SULF1: variants seen among roughly 807,000 people sequenced by gnomAD.
The protein encoded by SULF1 is extracellular sulfatase Sulf-1.
Under a neutral mutation model 110.5 loss-of-function variants are expected in SULF1, and 46 were observed. The ratio of observed to expected loss-of-function variants is 0.42; its 90% CI spans 0.33 to 0.53. SULF1 has a LOEUF of 0.53. Among genes scored for constraint, SULF1 ranks in the 20% least tolerant of loss-of-function variants. SULF1 has a pLI of 0.12. For missense variants in SULF1, 941 were observed against 1,094.2 expected (o/e 0.86, Z 1.98); for synonymous variants, 371 against 387.1 (o/e 0.96, Z 0.49).
At chr8:69,622,753 C>A (rs1177504010) in intron 14 of SULF1, among the ~76,000 whole-genome samples, 1 of 152,162 alleles carries the variant, frequency 6.6e-6, no homozygotes. Flanking sequence ...GTATTAGGCA[C>A]AAACACAAGT....
chr8:69,604,964 C>T (rs775208502), intron 13 of SULF1, 32 bp downstream of exon 13: 2 of 1,606,998 alleles, frequency 1.2e-6, no homozygotes, highest in East Asian at 2.2e-5. Context: ...TACCACCACT[C>T]ATGTGCTTCT....
chr8:69,561,300 CTG>C (rs1284291200), intron 3 of SULF1, among the ~76,000 whole-genome samples: 1 of 152,074 alleles, frequency 6.6e-6, no homozygotes, highest in African/African-American at 2.4e-5. Context: ...ATAAGATACA[CTG>C]TGGCAGAAAA....
At chr8:69,518,545 A>T (rs1812084873) in intron 3 of SULF1, among the ~76,000 whole-genome samples, 1 of 152,148 alleles carries the variant, frequency 6.6e-6, no homozygotes. Flanking sequence ...CAGTTAATTC[A>T]CATGAGGATT....
At position 69,585,381 on chromosome 8, in the gene SULF1, C is replaced by T. The variant is rs937114233; in HGVS notation, c.413-976C>T. ...TCCTCTTGCTCTCTCAAAAGTATTC[C>T]AGTATATTTATGACTACCATTCTGC... On this transcript the variant is annotated intron_variant, in intron 6 of 22. Coordinates refer to ENST00000402687, the MANE Select transcript of SULF1 (RefSeq NM_001128205.2). 2.0e-5 allele frequency among the ~76,000 whole-genome samples: 3 copies of T among 152,102 alleles called. No homozygotes were observed. In the East Asian group the frequency reaches 5.8e-4, roughly 29 times the overall value.
chr8:69,558,917 A>T (rs1018822586), intron 3 of SULF1, among the ~76,000 whole-genome samples: 1 of 152,158 alleles, frequency 6.6e-6, no homozygotes, highest in Non-Finnish European at 1.5e-5. Flanking sequence ...AACCTAAATG[A>T]TATATTTTAT....
Position 69,563,904 on chromosome 8 carries a change from C to T in SULF1, c.-60-12C>T. ...TTAGTCTCACCGTCTCCGTTTTTCTCTGACTGCCCAGAACTCCAGAAATCA... is the reference window on the plus strand; with the variant it reads ...TTAGTCTCACCGTCTCCGTTTTTCTTTGACTGCCCAGAACTCCAGAAATCA... On this transcript the variant is annotated splice_polypyrimidine_tract_variant and intron_variant, in intron 4 of 22. Coordinates refer to ENST00000402687, the MANE Select transcript of SULF1 (RefSeq NM_001128205.2). The T allele has an allele frequency of 6.6e-7, 1 of 1,522,054 alleles. No individual in the cohort carries two copies. Among genetic ancestry groups the T allele is most frequent in the South Asian group, 1.2e-5 (1 of 85,376 alleles). 94.3% of individuals were successfully genotyped at this position (1,522,054 alleles called of 1,614,324 possible). A position where few individuals can be genotyped will look rare whatever the true frequency, so the allele number is the denominator to read the frequency against.
At chr8:69,597,930 T>C (rs940169945) in intron 8 of SULF1, among the ~76,000 whole-genome samples, 5 of 152,142 alleles carry the variant, frequency 3.3e-5, no homozygotes, top group Admixed American at 3.3e-4. Context: ...ACTACCCTCA[T>C]GGGCAAAAAA....
At chr8:69,605,073 C>T (rs1808134418) in intron 13 of SULF1, 141 bp downstream of exon 13, 2 of 1,162,858 alleles carry the variant, frequency 1.7e-6, no homozygotes, top group South Asian at 1.6e-5. Flanking sequence ...CACTGAGACA[C>T]CTCTCCGCGG....
chr8:69,545,947 G>C (rs1426764125), intron 3 of SULF1, among the ~76,000 whole-genome samples: 1 of 152,062 alleles, frequency 6.6e-6, no homozygotes. Flanking sequence ...CGCCCACCTC[G>C]GCCTCCCAAA....
chr8:69,589,164 C>T (rs767554475), intron 8 of SULF1, 23 bp downstream of exon 8: 10 of 1,603,690 alleles, frequency 6.2e-6, no homozygotes, highest in South Asian at 1.1e-5. Flanking sequence ...CTCAACTCTG[C>T]GACCTGCCGA....
At chr8:69,644,378 T>C (rs1586625066) in intron 22 of SULF1, among the ~76,000 whole-genome samples, 1 of 152,146 alleles carries the variant, frequency 6.6e-6, no homozygotes, top group East Asian at 1.9e-4. Flanking sequence ...GCAGGACATT[T>C]ATATGGATGA....
intron 5 of SULF1, among the ~76,000 whole-genome samples, chr8:69,572,253 T>TG (rs1805286982): frequency 1.3e-5 from 2 of 152,188 alleles, no homozygotes; most frequent in Admixed American, 1.3e-4. Context: ...CTCAAGAGCA[T>TG]GGTCTCTGGG....
At chr8:69,566,669 A>G (rs1354322231) in intron 5 of SULF1, among the ~76,000 whole-genome samples, 1 of 152,016 alleles carries the variant, frequency 6.6e-6, no homozygotes, top group Admixed American at 6.6e-5. Context: ...TGGCCAACAT[A>G]GTGAAACCCC....
At chr8:69,548,724 G>A (rs1192403357) in intron 3 of SULF1, among the ~76,000 whole-genome samples, 1 of 150,458 alleles carries the variant, frequency 6.6e-6, no homozygotes, top group Non-Finnish European at 1.5e-5. Flanking sequence ...GCCTCCCAAA[G>A]TGCTGGGATT....
At chr8:69,639,117 AT>A (rs1488749149) in intron 21 of SULF1, among the ~76,000 whole-genome samples, 1 of 152,200 alleles carries the variant, frequency 6.6e-6, no homozygotes, top group Non-Finnish European at 1.5e-5. Flanking sequence ...GTAAACCTTG[AT>A]TCCTGATAGA....
Position 69,621,179 on chromosome 8 carries a change from G to A in SULF1, c.1522G>A (p.Glu508Lys). Residue 508 changes from glutamate (E) to lysine (K), a missense_variant, in exon 14 of 23, where the codon GAG becomes AAG. This residue lies in a region of SULF1 where 822 missense variants were observed against 934.3 expected (regional missense o/e 0.88). Coordinates refer to ENST00000402687, the MANE Select transcript of SULF1 (RefSeq NM_001128205.2). Reference sequence around the variant, plus strand: ...CAAAGACAAAGAGTGCAGTTGTAGGGAGTCTGGTTACCGTGCCAGCAGAAG... The same window carrying A: ...CAAAGACAAAGAGTGCAGTTGTAGGAAGTCTGGTTACCGTGCCAGCAGAAG... ...HDKDKECSCR[E>K]SGYRASRSQR... is the part of the protein sequence containing the mutation. The A allele has an allele frequency of 6.2e-7, 1 of 1,614,126 alleles. No individual in the cohort carries two copies. The highest frequency in any genetic ancestry group is 2.2e-5 in the East Asian group (1 of 44,872).
chr8:69,502,232 T>C (rs528544806), intron 3 of SULF1, among the ~76,000 whole-genome samples: 1 of 152,100 alleles, frequency 6.6e-6, no homozygotes, highest in Non-Finnish European at 1.5e-5. Context: ...ATCTAAACAA[T>C]CATATGACTA....
chr8:69,623,830 C>A (rs1257378239), intron 14 of SULF1, 112 bp from the exon 15 acceptor site: 1 of 1,289,210 alleles, frequency 7.8e-7, no homozygotes, highest in African/African-American at 1.5e-5. Flanking sequence ...CTCAGCAATG[C>A]AGCATGGACT....
chr8:69,624,159 C>T lies in SULF1; in HGVS notation c.1812C>T (p.Asn604=), dbSNP rs375090509. Residue 604 remains asparagine, a synonymous_variant, in exon 15 of 23, where the codon AAC becomes AAT. Coordinates refer to ENST00000402687, the MANE Select transcript of SULF1 (RefSeq NM_001128205.2). ...GCAGGATGCTGGCAGATAGCAGCAA[C>T]GCCGTGGGCCCACCTACCACTGTCC... ...NRGRMLADSS[N]AVGPPTTVRV... 61 of 1,608,748 alleles carry T rather than the reference C, an allele frequency of 3.8e-5. No individual in the cohort carries two copies. The highest frequency in any genetic ancestry group is 2.7e-4 in the African/African-American group (20 of 74,746).
Sources: gnomAD v4.1 joint callset for allele counts (sites outside exome capture counted in the v4.1 genomes callset) on GRCh38, gnomAD v4.1.1 for gene constraint, gnomAD v4.1.1 regional missense constraint, MANE v1.5 for transcripts, NCBI Gene and HGNC (gene_info 2026-07-23, HGNC 2026-07-21) for gene names.